Variants in SPATA22 observed in about 807,000 individuals in gnomAD.
SPATA22 encodes the protein spermatogenesis associated 22.
Under a neutral mutation model 47.8 loss-of-function variants are expected in SPATA22, and 29 were observed. The observed-to-expected ratio is 0.61, with a 90% CI of 0.45 to 0.83. The LOEUF (loss-of-function observed/expected upper bound fraction) is 0.83, where lower values mean the gene tolerates loss of function less well. Ranked by LOEUF, SPATA22 falls within the 40% of genes least tolerant of loss-of-function variation. SPATA22 has a pLI of 0.00. For synonymous variants in SPATA22, 133 were observed against 140.9 expected, an observed-to-expected ratio of 0.94 and a Z score of 0.40; for missense variants, 410 against 421.7, an observed-to-expected ratio of 0.97 and a Z score of 0.24.
At chr17:3,493,486 G>A (rs555638642) in intron 1 of SPATA22, among the ~76,000 whole-genome samples, 1 of 150,640 alleles carries the variant, frequency 6.6e-6, no homozygotes, top group African/African-American at 2.4e-5. Context: ...GCTTGAACCC[G>A]GGAGGTGGAG....
At position 3,490,369 on chromosome 17, in the gene SPATA22, A is replaced by C. The variant is rs1298690862; in HGVS notation, c.-73-20971T>G. ...TAAAAAGTCTATTAGTTATAAAAAA[A>C]GTTTACTTTAAAATGGAAAATAGTT... On this transcript the variant is annotated intron_variant, in intron 1 of 8. Transcript: ENST00000541913. The surrounding 1 kb of genome is among the most constrained non-coding windows in gnomAD (Gnocchi z 4.6). Among the ~76,000 whole-genome samples, 1 of 152,366 alleles carries C rather than the reference A, an allele frequency of 6.6e-6. No individual in the cohort carries two copies. The highest frequency in any genetic ancestry group is 2.1e-4 in the South Asian group (1 of 4,828).
chr17:3,506,544 A>C (rs2074042040), intron 1 of SPATA22, among the ~76,000 whole-genome samples: 1 of 152,226 alleles, frequency 6.6e-6, no homozygotes. Context: ...CATTTTTAGA[A>C]ACTACATATT....
chr17:3,476,338 A>C (rs2073522372), upstream of SPATA22: 4 of 1,614,056 alleles, frequency 2.5e-6, no homozygotes, highest in Non-Finnish European at 3.4e-6. Context: ...GCAGTGAAGA[A>C]GTGTACCAGA....
intron 1 of SPATA22, chr17:3,511,985 A>T (rs2074119255): frequency 6.6e-6 from 1 of 152,158 alleles, no homozygotes; most frequent in African/African-American, 2.4e-5. Flanking sequence ...CTAACTCCAG[A>T]TGTGGAATGC....
rs1456032338 is a variant in SPATA22 at position 3,490,114 on chromosome 17, A to G, written c.-73-20716T>C. Among the ~76,000 whole-genome samples the G allele has an allele frequency of 1.3e-5, 2 of 152,212 alleles. No homozygotes were observed. The highest frequency in any genetic ancestry group is 2.9e-5 in the Non-Finnish European group (2 of 68,030). ...TTCTAGGATACATATATATGTTAAC[A>G]CATCACAGGGAAAGTCCTAGAAGAA... On this transcript the variant is annotated intron_variant, in intron 1 of 8. Coordinates refer to the SPATA22 transcript ENST00000541913. This position sits in a 1 kb window ranked among gnomAD's most constrained non-coding sequence, Gnocchi z 4.6.
intron 3 of SPATA22, among the ~76,000 whole-genome samples, chr17:3,465,605 A>G (rs1359125713): frequency 6.7e-6 from 1 of 150,332 alleles, no homozygotes; most frequent in Non-Finnish European, 1.5e-5. Flanking sequence ...AGTCATCACC[A>G]CTCCCTAATC....
upstream of SPATA22, among the ~76,000 whole-genome samples, chr17:3,472,753 T>C (rs1022651802): frequency 6.6e-6 from 1 of 152,192 alleles, no homozygotes; most frequent in African/African-American, 2.4e-5. Flanking sequence ...GAAAGGAAGA[T>C]TGTTAGTAAA....
chr17:3,507,117 T>C (rs1176530199), intron 1 of SPATA22, among the ~76,000 whole-genome samples: 2 of 152,150 alleles, frequency 1.3e-5, no homozygotes, highest in Non-Finnish European at 2.9e-5. Flanking sequence ...TTCCAACTTA[T>C]GGCTTCCATT....
intron 5 of SPATA22, 49 bp from the exon 6 acceptor site, chr17:3,449,198 T>C: frequency 7.5e-7 from 1 of 1,332,738 alleles, no homozygotes; most frequent in Non-Finnish European, 1.0e-6. Context: ...GTTTCTTAAT[T>C]ACAAAAAAAA....
rs907750313 is a variant in SPATA22 at position 3,465,454 on chromosome 17, G to A, written c.172+1972C>T. ...TACTAAGAAAAATTCTTCTGCCTTGGGATCCTGTTGATCTGTGACCTTACC... is the reference window on the plus strand; with the variant it reads ...TACTAAGAAAAATTCTTCTGCCTTGAGATCCTGTTGATCTGTGACCTTACC... On this transcript the variant is annotated intron_variant, in intron 3 of 8. Transcript: ENST00000572969. Among the ~76,000 whole-genome samples the A allele has an allele frequency of 1.1e-3, 164 of 152,096 alleles. 1 individual carries two copies. Among genetic ancestry groups the A allele is most frequent in the African/African-American group, 3.3e-3 (135 of 41,454 alleles).
chr17:3,486,364 C>T (rs1050735304), intron 1 of SPATA22, among the ~76,000 whole-genome samples: 12 of 152,180 alleles, frequency 7.9e-5, no homozygotes, highest in African/African-American at 1.9e-4. Flanking sequence ...AAAAATAGTC[C>T]GTGTCTTGCT....
At position 3,470,717 on chromosome 17, in the gene SPATA22, C is replaced by T. The variant is rs931186058; in HGVS notation, c.-74+965G>A. On this transcript the variant is annotated intron_variant, in intron 1 of 8. Transcript: ENST00000572969. The stretch of plus-strand genomic sequence containing the variant: ...AGTGAGCGGAGATCGTGCCGCTGCA[C>T]TCCAGCCTGGGCGACAGAGCGAGAC... Among the ~76,000 whole-genome samples the T allele has an allele frequency of 4.6e-5, 7 of 151,202 alleles. No individual in the cohort carries two copies. The East Asian group carries it at 1.4e-3, about 30-fold the overall frequency.
At chr17:3,491,354 T>C (rs755731676) in intron 1 of SPATA22, among the ~76,000 whole-genome samples, 1 of 152,144 alleles carries the variant, frequency 6.6e-6, no homozygotes, top group Non-Finnish European at 1.5e-5. Context: ...TTGAGAACTG[T>C]AAATAAATTC....
chr17:3,483,694 G>GA, intron 1 of SPATA22: 5 of 1,149,442 alleles, frequency 4.3e-6, no homozygotes, highest in Non-Finnish European at 6.4e-6. Context: ...ACAGAGTCTT[G>GA]CTCTGTCACC....
chr17:3,491,718 A>AGAGT (rs573827591), intron 1 of SPATA22, among the ~76,000 whole-genome samples: 91 of 152,210 alleles, frequency 6.0e-4, no homozygotes, highest in African/African-American at 2.0e-3. Flanking sequence ...ACTGCACTCC[A>AGAGT]GCCTCGGTGA....
intron 7 of SPATA22, among the ~76,000 whole-genome samples, chr17:3,444,053 T>C (rs180717689): frequency 6.3e-4 from 96 of 152,136 alleles, no homozygotes; most frequent in African/African-American, 2.3e-3. Flanking sequence ...GTAAATTGTT[T>C]AACCACTTTC....
Position 3,485,175 on chromosome 17 carries a change from C to T in SPATA22, c.-73-15777G>A, listed in dbSNP as rs1409336792. The stretch of plus-strand genomic sequence containing the variant: ...CTTGAACTACAGGCACGTGCCACCA[C>T]ATTCAGCTAATTTTTTATTTTTTGT... On this transcript the variant is annotated intron_variant, in intron 1 of 8. Transcript: ENST00000541913. This position sits in a 1 kb window ranked among gnomAD's most constrained non-coding sequence, Gnocchi z 4.4. Among the ~76,000 whole-genome samples the T allele has an allele frequency of 6.6e-6, 1 of 152,106 alleles. No homozygotes were observed. The highest frequency in any genetic ancestry group is 1.5e-5 in the Non-Finnish European group (1 of 68,028).
intron 1 of SPATA22, chr17:3,499,682 G>A (rs1213039041): frequency 2.0e-5 from 3 of 152,292 alleles, no homozygotes; most frequent in African/African-American, 7.2e-5. Flanking sequence ...GTGCCCATGT[G>A]AGACTGCGAA....
chr17:3,485,545 C>T lies in SPATA22; in HGVS notation c.-73-16147G>A, dbSNP rs2073703995. Reference sequence around the variant, plus strand: ...ACAAACAAACAAAAATACTAGCCATCTAACACTGGAAATACATACATTCAT... The same window carrying T: ...ACAAACAAACAAAAATACTAGCCATTTAACACTGGAAATACATACATTCAT... On this transcript the variant is annotated intron_variant, in intron 1 of 8. Transcript: ENST00000541913. This position sits in a 1 kb window ranked among gnomAD's most constrained non-coding sequence, Gnocchi z 4.4. Among the ~76,000 whole-genome samples, 1 of 152,128 alleles carries T rather than the reference C, an allele frequency of 6.6e-6. No homozygotes were observed. The highest frequency in any genetic ancestry group is 1.5e-5 in the Non-Finnish European group (1 of 68,012).
Sources: allele counts gnomAD v4.1 joint callset (sites outside exome capture counted in the v4.1 genomes callset), GRCh38; gene constraint gnomAD v4.1.1; non-coding constraint Gnocchi (gnomAD v3.1); transcripts MANE v1.5; gene names NCBI Gene and HGNC (gene_info 2026-07-23, HGNC 2026-07-21).